PLK5: variants seen among roughly 807,000 people sequenced by gnomAD.
PLK5 encodes polo like kinase 5 (inactive), also known as inactive serine/threonine-protein kinase PLK5.
PLK5 carries 28 observed loss-of-function variants against 33.7 expected under a neutral mutation model. The observed-to-expected ratio is 0.83, with a 90% CI of 0.62 to 1.14. The LOEUF is 1.14. PLK5 is among the 50% of genes most tolerant of loss of function. The probability of loss-of-function intolerance (pLI) is 0.00; values close to 1 mark genes in which losing one functional copy is unlikely to be tolerated. For missense variants in PLK5, 492 were observed against 461.5 expected (o/e 1.07, Z -0.61); for synonymous variants, 225 against 202.2 (o/e 1.11, Z -0.96).
intron 11 of PLK5, 32 bp downstream of exon 11, chr19:1,529,856 T>G (rs1156676780): frequency 2.6e-6 from 4 of 1,525,224 alleles, no homozygotes; most frequent in Non-Finnish European, 3.5e-6. Context: ...AGGATCACCT[T>G]TACTCTTACT....
At chr19:1,528,459 A>T (rs1346141589) in intron 8 of PLK5, 31 bp downstream of exon 8, 118 of 1,476,500 alleles carry the variant, frequency 8.0e-5, no homozygotes, top group Non-Finnish European at 1.0e-4. Flanking sequence ...CACCTGCCCA[A>T]CACCTGCCCA....
intron 11 of PLK5, among the ~76,000 whole-genome samples, chr19:1,531,370 C>T: frequency 6.6e-6 from 1 of 152,174 alleles, no homozygotes; most frequent in Non-Finnish European, 1.5e-5. Context: ...GATTGCGCCA[C>T]TGCACTCCAG....
At chr19:1,527,155 G>A (rs140028041) in intron 6 of PLK5, among the ~76,000 whole-genome samples, 157 bp downstream of exon 6, 284 of 152,052 alleles carry the variant, frequency 1.9e-3, no homozygotes, top group African/African-American at 6.7e-3. Context: ...GACGTGTGTG[G>A]GGAGGCGTGT....
At chr19:1,534,970 T>G in intron 13 of PLK5, 95 bp from the exon 14 acceptor site, 1 of 1,202,986 alleles carries the variant, frequency 8.3e-7, no homozygotes, top group East Asian at 2.7e-5. Flanking sequence ...CTGGGGGCTC[T>G]GGGTCCAGTG....
At position 1,531,591 on chromosome 19, in the gene PLK5, G is replaced by A. The variant is rs1913929419; in HGVS notation, c.569-147G>A. ...GCTTCTGTTGATGTCTGGTCTCCTA[G>A]AATCCACCACCGAAGCCCCCAAGCC... On this transcript the variant is annotated intron_variant, in intron 11 of 13. Transcript: ENST00000454744. 3.3e-6 allele frequency: 3 copies of A among 922,096 alleles called. No homozygotes were observed. The Admixed American group carries it at 1.1e-4, about 32-fold the overall frequency. The allele number at this position is 922,096 out of a possible 1,614,324, so 57.1% of individuals were successfully genotyped here. A position where few individuals can be genotyped will look rare whatever the true frequency, so the allele number is the denominator to read the frequency against.
chr19:1,527,069 C>A, intron 6 of PLK5, 71 bp downstream of exon 6: 2 of 1,403,514 alleles, frequency 1.4e-6, no homozygotes, highest in Non-Finnish European at 1.9e-6. Flanking sequence ...GGAGCCTGCA[C>A]GGAACAGGTG....
chr19:1,531,834 A>G lies in PLK5; in HGVS notation c.665A>G (p.Asp222Gly), dbSNP rs1913939242. Residue 222 changes from aspartate to glycine, a missense_variant, in exon 12 of 14, where the codon GAC (aspartate) becomes GGC (glycine). Asp to Gly is a moderately conservative substitution (Grantham distance 94, BLOSUM62 -1). Transcript: ENST00000454744. ...SKYGFGYQLL[D>G]GGRTGRHPHG... is the part of the protein sequence containing the mutation. ...TACGGCTTTGGCTACCAGCTCTTGGACGGGGGGCGCACGGGACGGCACCCA... is the reference window on the plus strand; with the variant it reads ...TACGGCTTTGGCTACCAGCTCTTGGGCGGGGGGCGCACGGGACGGCACCCA... The G allele has an allele frequency of 1.3e-6, 2 of 1,533,176 alleles. No individual in the cohort carries two copies. The highest frequency in any genetic ancestry group is 4.9e-5 in the East Asian group (2 of 40,672). 95.0% of individuals were successfully genotyped at this position (1,533,176 alleles called of 1,614,324 possible).
At chr19:1,532,218 C>T (rs1379654993) in intron 12 of PLK5, among the ~76,000 whole-genome samples, 7 of 152,082 alleles carry the variant, frequency 4.6e-5, no homozygotes, top group African/African-American at 1.7e-4. Flanking sequence ...TCAGCCTGGA[C>T]AACATAGCAA....
At chr19:1,534,234 C>T (rs1914021406) in intron 13 of PLK5, among the ~76,000 whole-genome samples, 193 bp downstream of exon 13, 1 of 151,856 alleles carries the variant, frequency 6.6e-6, no homozygotes, top group African/African-American at 2.4e-5. Flanking sequence ...TTGGGCCAGG[C>T]ACTGTGGTCC....
Position 1,525,421 on chromosome 19 carries a change from G to A in PLK5, c.-430+3G>A. The A allele has an allele frequency of 6.6e-6, 1 of 151,222 alleles. No homozygotes were observed. The highest frequency in any genetic ancestry group is 1.9e-4 in the East Asian group (1 of 5,158). The allele number at this position is 151,222 out of a possible 1,614,324, so 9.4% of individuals were successfully genotyped here. A position where few individuals can be genotyped will look rare whatever the true frequency, so the allele number is the denominator to read the frequency against. ...GGTGGCTTCGCCCGCAGGGAAAGGT[G>A]CGTGTCCCCATCGGTCCCCAGGGCC... On this transcript the variant is annotated splice_donor_region_variant and intron_variant, in intron 2 of 13. Transcript: ENST00000454744.
Position 1,527,275 on chromosome 19 carries a change from C to T in PLK5, c.2+277C>T, listed in dbSNP as rs995547248. On this transcript the variant is annotated intron_variant, in intron 6 of 13. Transcript: ENST00000454744. ...TGTACAGGGATACAGCGTGTGTGGG[C>T]GCAGGGCAGGTGTGAGCAGGCATGG... Among the ~76,000 whole-genome samples, 8 of 151,710 alleles carry T rather than the reference C, an allele frequency of 5.3e-5. No homozygotes were observed. In the East Asian group the frequency reaches 5.8e-4, roughly 11 times the overall value.
chr19:1,533,167 C>T (rs192726034), intron 12 of PLK5, among the ~76,000 whole-genome samples: 2 of 152,060 alleles, frequency 1.3e-5, no homozygotes, highest in Admixed American at 1.3e-4. Flanking sequence ...CTCTTGTTGC[C>T]CAGGCTGGAG....
intron 10 of PLK5, 98 bp downstream of exon 10, chr19:1,529,588 G>A (rs1599305243): frequency 3.5e-6 from 5 of 1,419,796 alleles, no homozygotes; most frequent in South Asian, 2.5e-5. Context: ...GGTCACAGCC[G>A]CCGTCCCGGC....
chr19:1,534,896 A>G (rs982488985), intron 13 of PLK5, among the ~76,000 whole-genome samples, 169 bp from the exon 14 acceptor site: 1 of 151,586 alleles, frequency 6.6e-6, no homozygotes, highest in African/African-American at 2.4e-5. Context: ...CCCCAGGTGT[A>G]CAGTGGAGCA....
rs1914073113 is a variant in PLK5 at position 1,535,548 on chromosome 19, C to T, written c.*298C>T. On this transcript the variant is annotated 3_prime_UTR_variant, in exon 14 of 14. Transcript: ENST00000454744. ...ACGTGACGTTGCATCCTCCCTGTTT[C>T]TCTTAGTGGCAGAGGTGGGTTACAT... 1 of 403,722 alleles carries T rather than the reference C, an allele frequency of 2.5e-6. No homozygotes were observed. Among genetic ancestry groups the T allele is most frequent in the African/African-American group, 2.1e-5 (1 of 47,072 alleles). 25.0% of individuals were successfully genotyped at this position (403,722 alleles called of 1,614,324 possible).
chr19:1,528,114 C>G lies in PLK5; in HGVS notation c.181C>G (p.Gln61Glu), dbSNP rs1344009022. The change falls in exon 7 of 14, where the codon CAG becomes GAG. Residue 61 changes from glutamine to glutamate, a missense_variant. Gln to Glu is a conservative substitution (Grantham distance 29, BLOSUM62 2). Coordinates refer to ENST00000454744, the MANE Select transcript of PLK5 (RefSeq NM_001243079.2). The stretch of plus-strand genomic sequence containing the variant: ...GCGGCCCAGCCTGGACCACCTGCTG[C>G]AGGACGACTTCTTCACACAGGTGGG... ...AERPSLDHLLQDDFFTQGFTP... is the reference protein window; with the variant it reads ...AERPSLDHLLEDDFFTQGFTP... 1 of 1,535,742 alleles carries G rather than the reference C, an allele frequency of 6.5e-7. No individual in the cohort carries two copies. The highest frequency in any genetic ancestry group is 2.4e-5 in the East Asian group (1 of 40,912).
chr19:1,529,783 C>A lies in PLK5; in HGVS notation c.527C>A (p.Ala176Asp). Residue 176 changes from alanine (A) to aspartate (D), a missense_variant, in exon 11 of 14, where the codon GCC becomes GAC. Ala to Asp is a moderately radical substitution (Grantham distance 126). Transcript: ENST00000454744. ...AGCCGGCGGCCAGAGGTGGAGGCGG[C>A]CCTCAGACACCTGCAGCTGTGCCTG... ...EGSRRPEVEAALRHLQLCLDV... is the reference protein window; with the variant it reads ...EGSRRPEVEADLRHLQLCLDV... 3.9e-6 allele frequency: 6 copies of A among 1,536,042 alleles called. No homozygotes were observed. Among genetic ancestry groups the A allele is most frequent in the Non-Finnish European group, 5.2e-6 (6 of 1,146,868 alleles).
chr19:1,535,888 A>C lies in PLK5; in HGVS notation c.*638A>C, dbSNP rs1383071802. The C allele has an allele frequency of 6.6e-6, 1 of 152,288 alleles. No homozygotes were observed. The highest frequency in any genetic ancestry group is 2.4e-5 in the African/African-American group (1 of 41,404). The allele number at this position is 152,288 out of a possible 1,614,324, so 9.4% of individuals were successfully genotyped here. ...AAGACCCTGTCTCAACAACAACAAA[A>C]GTAGTACCAGAAGTGGGGTTCTGCC... On this transcript the variant is annotated 3_prime_UTR_variant, in exon 14 of 14. Transcript: ENST00000454744.
chr19:1,524,270 C>T lies in PLK5; in HGVS notation c.-544+24C>T, dbSNP rs1359399982. 2 of 150,830 alleles carry T rather than the reference C, an allele frequency of 1.3e-5. No individual in the cohort carries two copies. The highest frequency in any genetic ancestry group is 3.9e-4 in the East Asian group (2 of 5,134). 9.3% of individuals were successfully genotyped at this position (150,830 alleles called of 1,614,324 possible). ...AGGTGGGAGGCCCGCGCCCCGAGTC[C>T]GCGACGGGGCCGGACCGGGCTGGGC... is the stretch of plus-strand genomic sequence containing the variant. On this transcript the variant is annotated intron_variant, in intron 1 of 13. Coordinates refer to ENST00000454744, the MANE Select transcript of PLK5 (RefSeq NM_001243079.2). The surrounding 1 kb of genome is among the most constrained non-coding windows in gnomAD (Gnocchi z 4.5).
Sources: allele counts gnomAD v4.1 joint callset (sites outside exome capture counted in the v4.1 genomes callset), GRCh38; gene constraint gnomAD v4.1.1; non-coding constraint Gnocchi (gnomAD v3.1); transcripts MANE v1.5; gene names NCBI Gene and HGNC (gene_info 2026-07-23, HGNC 2026-07-21).